Variants in TCN2 observed in about 807,000 individuals in gnomAD.
TCN2 encodes transcobalamin-2.
Under a neutral mutation model 48.6 loss-of-function variants are expected in TCN2, and 34 were observed. That is an observed-to-expected ratio of 0.70 (90% CI 0.53 to 0.93). The LOEUF (loss-of-function observed/expected upper bound fraction) is 0.93. TCN2 is among the 40% of genes least tolerant of loss of function. TCN2 has a pLI of 0.00. For synonymous variants in TCN2, 283 were observed against 212.5 expected (o/e 1.33, Z -2.89); for missense variants, 652 against 526.1 (o/e 1.24, Z -2.34).
intron 7 of TCN2, among the ~76,000 whole-genome samples, chr22:30,621,356 T>C (rs13056378): frequency 0.35 from 53,908 of 151,964 alleles, 10,063 homozygotes; most frequent in Non-Finnish European, 0.42. Flanking sequence ...AGGGCTGTAT[T>C]ACCCCAGAGA....
chr22:30,626,927 G>C lies in TCN2; in HGVS notation c.*406G>C. The C allele has an allele frequency of 3.1e-6, 1 of 320,706 alleles. No individual in the cohort carries two copies. Among genetic ancestry groups the C allele is most frequent in the South Asian group, 3.0e-5 (1 of 33,658 alleles). The allele number at this position is 320,706 out of a possible 1,614,324, so 19.9% of individuals were successfully genotyped here. A position where few individuals can be genotyped will look rare whatever the true frequency, so the allele number is the denominator to read the frequency against. ...TCCTCAGCCCGGGGGCTATGGCCCT[G>C]ACCCCAGCTCTCCACTCTGCTGTTA... On this transcript the variant is annotated 3_prime_UTR_variant, in exon 9 of 9. Transcript: ENST00000215838.
chr22:30,626,592 G>T lies in TCN2; in HGVS notation c.*71G>T. On this transcript the variant is annotated 3_prime_UTR_variant, in exon 9 of 9. Transcript: ENST00000215838. ...TCTACCCTCCCTCCTGATGTCCCTGGAACAGGAACTCGCCTGACCCTGCTG... is the reference window on the plus strand; with the variant it reads ...TCTACCCTCCCTCCTGATGTCCCTGTAACAGGAACTCGCCTGACCCTGCTG... The T allele has an allele frequency of 6.4e-7, 1 of 1,555,462 alleles. No homozygotes were observed. The highest frequency in any genetic ancestry group is 8.8e-7 in the Non-Finnish European group (1 of 1,130,048).
rs143830652 is a variant in TCN2 at position 30,612,713 on chromosome 22, C to T, written c.258-160C>T. Among the ~76,000 whole-genome samples the T allele has an allele frequency of 1.2e-4, 19 of 152,310 alleles. No homozygotes were observed. In the East Asian group the frequency reaches 3.3e-3, roughly 26 times the overall value. On this transcript the variant is annotated intron_variant, in intron 2 of 8. Coordinates refer to ENST00000215838, the MANE Select transcript of TCN2 (RefSeq NM_000355.4). ...CTTTATTAAATATTTGTGGCATACACCTCACAACAACATAGCCAACACACC... is the reference window on the plus strand; with the variant it reads ...CTTTATTAAATATTTGTGGCATACATCTCACAACAACATAGCCAACACACC...
chr22:30,616,313 A>G (rs1168488957), intron 6 of TCN2, among the ~76,000 whole-genome samples: 1 of 151,826 alleles, frequency 6.6e-6, no homozygotes, highest in Non-Finnish European at 1.5e-5. Flanking sequence ...GCGAAACTCC[A>G]TCTATTAAAA....
chr22:30,626,381 G>T (rs1345036659), intron 8 of TCN2, 79 bp from the exon 9 acceptor site: 3 of 1,474,254 alleles, frequency 2.0e-6, no homozygotes, highest in African/African-American at 1.4e-5. Context: ...TAGCCTCAGG[G>T]TGGGGGGTCT....
intron 7 of TCN2, among the ~76,000 whole-genome samples, chr22:30,622,729 G>T (rs1353502827): frequency 6.6e-6 from 1 of 152,180 alleles, no homozygotes; most frequent in Non-Finnish European, 1.5e-5. Context: ...CCCTTTCCTG[G>T]AGGCCATGGT....
chr22:30,608,340 C>A (rs1419675067), intron 1 of TCN2, among the ~76,000 whole-genome samples: 1 of 152,134 alleles, frequency 6.6e-6, no homozygotes, highest in Non-Finnish European at 1.5e-5. Flanking sequence ...TCCACCTTTT[C>A]CAGAGCTTTG....
At chr22:30,621,284 C>T (rs774685300) in intron 7 of TCN2, among the ~76,000 whole-genome samples, 3 of 151,984 alleles carry the variant, frequency 2.0e-5, no homozygotes, top group South Asian at 2.1e-4. Context: ...TGACCCACCG[C>T]GCCCCACCTG....
intron 2 of TCN2, among the ~76,000 whole-genome samples, chr22:30,612,104 G>T (rs1167864798): frequency 6.6e-6 from 1 of 152,122 alleles, no homozygotes; most frequent in African/African-American, 2.4e-5. Flanking sequence ...AATGAGCCAG[G>T]TGTAGTGACT....
intron 1 of TCN2, 108 bp from the exon 2 acceptor site, chr22:30,610,763 G>A: frequency 1.7e-6 from 2 of 1,162,176 alleles, no homozygotes; most frequent in South Asian, 2.6e-5. Flanking sequence ...CTGGGTGGAG[G>A]TGGGGGTGAG....
Position 30,624,078 on chromosome 22 carries a change from A to AT in TCN2, c.1222+996dup, listed in dbSNP as rs1450381676. Among the ~76,000 whole-genome samples the AT allele has an allele frequency of 2.5e-5, 2 of 80,366 alleles. 1 individual carries two copies. The highest frequency in any genetic ancestry group is 4.7e-5 in the Non-Finnish European group (2 of 42,292). 52.7% of individuals were successfully genotyped at this position (80,366 alleles called of 152,430 possible). A position where few individuals can be genotyped will look rare whatever the true frequency, so the allele number is the denominator to read the frequency against. On this transcript the variant is annotated intron_variant, in intron 8 of 8. Transcript: ENST00000215838. ...CACACACACATATATATATATATAT[A>AT]TATTTTTTTTTTTTGAGATGGAGTC...
intron 1 of TCN2, chr22:30,610,291 C>T (rs1203549376): frequency 8.5e-6 from 4 of 470,950 alleles, no homozygotes; most frequent in African/African-American, 4.0e-5. Flanking sequence ...ACCAGGCAGC[C>T]TCAATTCACC....
intron 1 of TCN2, 113 bp from the exon 2 acceptor site, chr22:30,610,758 T>G (rs1602043279): frequency 9.2e-7 from 1 of 1,092,576 alleles, no homozygotes; most frequent in Non-Finnish European, 1.4e-6. Context: ...GTGTGCTGGG[T>G]GGAGGTGGGG....
At chr22:30,613,330 A>T (rs1042304559) in intron 3 of TCN2, among the ~76,000 whole-genome samples, 1 of 152,050 alleles carries the variant, frequency 6.6e-6, no homozygotes, top group Admixed American at 6.5e-5. Context: ...CCCAGGCTGG[A>T]GTACAATGGC....
chr22:30,624,538 T>G (rs2087774520), intron 8 of TCN2, among the ~76,000 whole-genome samples: 1 of 151,842 alleles, frequency 6.6e-6, no homozygotes, highest in Non-Finnish European at 1.5e-5. Flanking sequence ...AAAAAAGCAT[T>G]CTTTTCTTGC....
chr22:30,626,451 T>C lies in TCN2; in HGVS notation c.1223-9T>C. 6.2e-7 allele frequency: 1 copy of C among 1,614,132 alleles called. No individual in the cohort carries two copies. The highest frequency in any genetic ancestry group is 8.5e-7 in the Non-Finnish European group (1 of 1,180,014). ...AATTCGCCCCTCCTTGCTCAATCTG[T>C]TTCTGCAGGTATTGCTGACTACAGA... On this transcript the variant is annotated splice_polypyrimidine_tract_variant and intron_variant, in intron 8 of 8. Coordinates refer to ENST00000215838, the MANE Select transcript of TCN2 (RefSeq NM_000355.4).
At chr22:30,618,526 A>G (rs148966456) in intron 7 of TCN2, among the ~76,000 whole-genome samples, 280 of 151,946 alleles carry the variant, frequency 1.8e-3, no homozygotes, top group African/African-American at 6.2e-3. Flanking sequence ...TAATTTTTGT[A>G]TTTTTAGTAG....
rs1224983239 is a variant in TCN2, at chr22:30,613,176, C to A, written c.427+134C>A. On this transcript the variant is annotated intron_variant, in intron 3 of 8. Coordinates refer to ENST00000215838, the MANE Select transcript of TCN2 (RefSeq NM_000355.4). The stretch of plus-strand genomic sequence containing the variant: ...ACCATCCATTCTGCCCATCTCACTG[C>A]CTACGTAGAGGCTCGAACCTGTCCC... 8 of 1,286,524 alleles carry A rather than the reference C, an allele frequency of 6.2e-6. No homozygotes were observed. The South Asian group carries it at 6.6e-5, about 11-fold the overall frequency. 79.7% of individuals were successfully genotyped at this position (1,286,524 alleles called of 1,614,324 possible). A position where few individuals can be genotyped will look rare whatever the true frequency, so the allele number is the denominator to read the frequency against.
rs1318042956 is a variant in TCN2 at position 30,615,530 on chromosome 22, G to A, written c.753+57G>A. The A allele has an allele frequency of 3.7e-6, 6 of 1,613,882 alleles. No homozygotes were observed. The East Asian group carries it at 1.3e-4, about 36-fold the overall frequency. On this transcript the variant is annotated intron_variant, in intron 5 of 8. Transcript: ENST00000215838. Reference sequence around the variant, plus strand: ...CTGGGGAACAGTCAGGGGTGGAGTGGTCAGGTGCTGGAACACCTAGCCCCT... The same window carrying A: ...CTGGGGAACAGTCAGGGGTGGAGTGATCAGGTGCTGGAACACCTAGCCCCT...
Sources: allele counts gnomAD v4.1 joint callset (sites outside exome capture counted in the v4.1 genomes callset), GRCh38; gene constraint gnomAD v4.1.1; transcripts MANE v1.5; gene names NCBI Gene and HGNC (gene_info 2026-07-23, HGNC 2026-07-21).